The following DNAAF5 variants were observed in gnomAD, a reference collection of about 807,000 sequenced individuals.
DNAAF5 encodes dynein axonemal assembly factor 5.
A neutral mutation model predicts 75.8 loss-of-function variants in DNAAF5; 64 were observed. The observed-to-expected ratio is 0.84, with a 90% CI of 0.69 to 1.04. DNAAF5 has a LOEUF of 1.04. Ranked by LOEUF, DNAAF5 falls within the 50% of genes least tolerant of loss-of-function variation. DNAAF5 has a pLI of 0.00. For missense variants in DNAAF5, 1,269 were observed against 1,178.5 expected, an observed-to-expected ratio of 1.08 and a Z score of -1.12; for synonymous variants, 657 against 557.2, an observed-to-expected ratio of 1.18 and a Z score of -2.52.
intron 7 of DNAAF5, among the ~76,000 whole-genome samples, chr7:762,675 G>A (rs1043643015): frequency 5.3e-5 from 8 of 151,738 alleles, no homozygotes; most frequent in Admixed American, 1.3e-4. Context: ...GTGCAGTGGC[G>A]CGATCTCGGC....
chr7:765,059 T>G (rs1782778598), intron 8 of DNAAF5, among the ~76,000 whole-genome samples: 1 of 152,198 alleles, frequency 6.6e-6, no homozygotes, highest in South Asian at 2.1e-4. Flanking sequence ...AGTTCGAAGC[T>G]TCAGTGAGCT....
At chr7:757,721 C>T (rs942493499) in intron 6 of DNAAF5, among the ~76,000 whole-genome samples, 4 of 152,216 alleles carry the variant, frequency 2.6e-5, no homozygotes, top group Admixed American at 2.6e-4. Flanking sequence ...TGAGTGGTCC[C>T]TGTCAGTGTG....
chr7:782,105 G>A (rs970757570), intron 12 of DNAAF5, among the ~76,000 whole-genome samples: 2 of 152,376 alleles, frequency 1.3e-5, no homozygotes, highest in East Asian at 3.9e-4. Context: ...ATGCGATGTC[G>A]GATCTTCCTG....
In DNAAF5 at chr7:740,842, G is replaced by C. The variant is rs770987739; in HGVS notation, c.804G>C (p.Val268=). The change falls in exon 3 of 13, where the codon GTG becomes GTC. Residue 268 remains valine, a synonymous_variant. Coordinates refer to ENST00000297440, the MANE Select transcript of DNAAF5 (RefSeq NM_017802.4). The part of the protein sequence containing the change: ...VPQVRRAVAS[V]VGGWLLCLRD... ...AGGTCCGGCGGGCGGTGGCCTCCGT[G>C]GTGGGCGGCTGGCTGCTGTGTCTGC... 8 of 1,613,888 alleles carry C rather than the reference G, an allele frequency of 5.0e-6. No individual in the cohort carries two copies. The highest frequency in any genetic ancestry group is 6.8e-6 in the Non-Finnish European group (8 of 1,180,042).
chr7:741,435 C>CCA lies in DNAAF5; in HGVS notation c.995_996insAC (p.Pro333LeufsTer46). ...CCTGAAGGACAAGCTGGACTTTGCC[C>CCA]CTCCCACCCCACCCCATTACCCTCC... On this transcript the variant is annotated frameshift_variant, in exon 4 of 13. Coordinates refer to ENST00000297440, the MANE Select transcript of DNAAF5 (RefSeq NM_017802.4). LOFTEE classifies it high-confidence loss of function. The CCA allele has an allele frequency of 6.4e-7, 1 of 1,561,280 alleles. No individual in the cohort carries two copies. The highest frequency in any genetic ancestry group is 8.7e-7 in the Non-Finnish European group (1 of 1,150,146).
intron 11 of DNAAF5, among the ~76,000 whole-genome samples, chr7:775,471 A>C (rs1778728008): frequency 6.6e-6 from 1 of 152,172 alleles, no homozygotes; most frequent in Non-Finnish European, 1.5e-5. Context: ...GCTTGAGCCC[A>C]GCCTGGGCAA....
intron 12 of DNAAF5, among the ~76,000 whole-genome samples, chr7:782,216 C>A (rs1161397575): frequency 4.6e-5 from 7 of 150,872 alleles, no homozygotes; most frequent in African/African-American, 1.5e-4. Context: ...CCTGGCGTGG[C>A]CGCCTCCCGT....
chr7:746,186 G>T (rs932123484), intron 4 of DNAAF5, among the ~76,000 whole-genome samples: 1 of 152,220 alleles, frequency 6.6e-6, no homozygotes, highest in African/African-American at 2.4e-5. Flanking sequence ...CACTGGCCCT[G>T]TATTGCCAAG....
At chr7:768,236 G>T (rs1350719324) in intron 8 of DNAAF5, among the ~76,000 whole-genome samples, 2 of 150,318 alleles carry the variant, frequency 1.3e-5, no homozygotes, top group Non-Finnish European at 3.0e-5. Flanking sequence ...CGTGATCAGG[G>T]CGGAAGTGTC....
At chr7:738,676 C>T (rs917975120) in intron 2 of DNAAF5, among the ~76,000 whole-genome samples, 7 of 152,086 alleles carry the variant, frequency 4.6e-5, no homozygotes, top group African/African-American at 1.4e-4. Flanking sequence ...AGGGATAATT[C>T]GTCTCATGCT....
intron 4 of DNAAF5, among the ~76,000 whole-genome samples, chr7:745,504 C>G (rs917380371): frequency 1.3e-5 from 2 of 152,190 alleles, no homozygotes; most frequent in Non-Finnish European, 2.9e-5. Context: ...ATATCGCACA[C>G]ACGTGCACAT....
intron 12 of DNAAF5, among the ~76,000 whole-genome samples, chr7:780,559 G>T (rs1431754684): frequency 6.6e-6 from 1 of 152,248 alleles, no homozygotes; most frequent in Non-Finnish European, 1.5e-5. Flanking sequence ...GTCATGATGT[G>T]TATGGCTCTG....
chr7:768,175 C>T (rs117098819), intron 8 of DNAAF5, among the ~76,000 whole-genome samples: 11 of 97,920 alleles, frequency 1.1e-4, no homozygotes, highest in Admixed American at 3.3e-4. Flanking sequence ...ACACGTGGTC[C>T]AGGCGGAAGT....
chr7:737,777 G>T (rs1168783851), intron 2 of DNAAF5, among the ~76,000 whole-genome samples: 1 of 152,228 alleles, frequency 6.6e-6, no homozygotes, highest in East Asian at 1.9e-4. Flanking sequence ...AGAAGTCGTT[G>T]CCAGGCGTAC....
At chr7:785,026 C>T (rs976174520) in intron 12 of DNAAF5, among the ~76,000 whole-genome samples, 1 of 152,016 alleles carries the variant, frequency 6.6e-6, no homozygotes, top group African/African-American at 2.4e-5. Flanking sequence ...TGACTGCCGT[C>T]CACCCGTCCA....
chr7:749,396 A>T (rs1782219313), intron 4 of DNAAF5, among the ~76,000 whole-genome samples: 1 of 152,098 alleles, frequency 6.6e-6, no homozygotes, highest in African/African-American at 2.4e-5. Flanking sequence ...TTCACACAGG[A>T]GGACAGAGTT....
intron 8 of DNAAF5, among the ~76,000 whole-genome samples, chr7:765,815 C>T (rs1782801934): frequency 6.6e-6 from 1 of 152,146 alleles, no homozygotes; most frequent in Admixed American, 6.5e-5. Flanking sequence ...ATTTTTCTGC[C>T]TTAGCCTCCT....
chr7:779,508 C>T (rs1778867392), intron 11 of DNAAF5, among the ~76,000 whole-genome samples: 1 of 152,196 alleles, frequency 6.6e-6, no homozygotes. Context: ...AGAAAACTGA[C>T]CACAGTAGGG....
intron 4 of DNAAF5, among the ~76,000 whole-genome samples, chr7:746,487 C>A (rs532647048): frequency 1.1e-4 from 14 of 121,888 alleles, no homozygotes; most frequent in African/African-American, 4.0e-4. Context: ...CCAACATGCC[C>A]AGGGTTTGTG....
Sources: gnomAD v4.1 joint callset for allele counts (sites outside exome capture counted in the v4.1 genomes callset) on GRCh38, gnomAD v4.1.1 for gene constraint, MANE v1.5 for transcripts, NCBI Gene and HGNC (gene_info 2026-07-23, HGNC 2026-07-21) for gene names.